Variants in MED30 observed in about 807,000 individuals in gnomAD.
The protein encoded by MED30 is mediator of RNA polymerase II transcription subunit 30.
In MED30, 8 loss-of-function variants were observed where a neutral mutation model predicts 21.7. The observed-to-expected ratio is 0.37, with a 90% confidence interval of 0.22 to 0.67. The LOEUF (loss-of-function observed/expected upper bound fraction) is 0.67, where lower values mean the gene tolerates loss of function less well. MED30 is among the 30% of genes least tolerant of loss of function. The pLI is 0.58. For missense variants in MED30, 203 were observed against 228.2 expected, an observed-to-expected ratio of 0.89 and a Z score of 0.71; for synonymous variants, 79 against 86.7, an observed-to-expected ratio of 0.91 and a Z score of 0.49.
intron 1 of MED30, chr8:117,523,493 C>T (rs2130809210): frequency 6.3e-7 from 1 of 1,591,508 alleles, no homozygotes; most frequent in Non-Finnish European, 8.6e-7. Flanking sequence ...GTGGCAGGAA[C>T]AATCTCCGGG....
At chr8:117,521,817 T>C (rs576215525) in intron 1 of MED30, among the ~76,000 whole-genome samples, 1 of 152,338 alleles carries the variant, frequency 6.6e-6, no homozygotes, top group South Asian at 2.1e-4. Context: ...TTTTCTTCTG[T>C]TGATGGACAT....
chr8:117,536,749 C>T (rs1586866398), intron 3 of MED30, among the ~76,000 whole-genome samples: 1 of 152,128 alleles, frequency 6.6e-6, no homozygotes, highest in Non-Finnish European at 1.5e-5. Context: ...TCCTGGAATC[C>T]TTAAGCCAAA....
intron 1 of MED30, 130 bp downstream of exon 1, chr8:117,521,183 C>A: frequency 2.5e-6 from 2 of 787,448 alleles, no homozygotes; most frequent in South Asian, 2.2e-5. Context: ...AGGGTCTCCC[C>A]CATTCACACT....
intron 1 of MED30, among the ~76,000 whole-genome samples, chr8:117,521,266 A>AT (rs1013676455): frequency 2.6e-5 from 4 of 151,912 alleles, no homozygotes; most frequent in African/African-American, 7.3e-5. Flanking sequence ...ATTGAAGCCA[A>AT]TTTTTTTTAG....
chr8:117,520,894 G>T lies in MED30; in HGVS notation c.18G>T (p.Leu6Phe). 1.2e-6 allele frequency: 2 copies of T among 1,603,434 alleles called. No individual in the cohort carries two copies. The highest frequency in any genetic ancestry group is 1.7e-6 in the Non-Finnish European group (2 of 1,175,368). Residue 6 changes from leucine (L) to phenylalanine (F), a missense_variant, in exon 1 of 4, where the codon TTG (leucine) becomes TTT (phenylalanine). Physicochemically the swap from Leu to Phe is conservative, Grantham distance 22. Coordinates refer to ENST00000297347, the MANE Select transcript of MED30 (RefSeq NM_080651.4). ...GCCGCGCCATGTCCACCCCTCCGTT[G>T]GCCGCGTCGGGGATGGCGCCCGGGC... is the stretch of plus-strand genomic sequence containing the variant. Reference protein sequence around the residue: MSTPPLAASGMAPGPF... With the variant: MSTPPFAASGMAPGPF...
Position 117,521,070 on chromosome 8 carries a change from G to A in MED30, c.177+17G>A. On this transcript the variant is annotated intron_variant, in intron 1 of 3. Coordinates refer to ENST00000297347, the MANE Select transcript of MED30 (RefSeq NM_080651.4). ...AACATGCAGGTAGGAAGGCGGGCGC[G>A]CGAGGCCAGGGGGATGCAGCTGGGA... 6.4e-7 allele frequency: 1 copy of A among 1,571,946 alleles called. No homozygotes were observed. The highest frequency in any genetic ancestry group is 8.7e-7 in the Non-Finnish European group (1 of 1,154,262).
intron 1 of MED30, chr8:117,523,643 C>T (rs529363179): frequency 1.3e-5 from 20 of 1,598,074 alleles, no homozygotes; most frequent in Non-Finnish European, 1.5e-5. Context: ...AGGTTGGACA[C>T]ATTCTTGTCT....
intron 1 of MED30, among the ~76,000 whole-genome samples, chr8:117,522,011 C>T (rs886770833): frequency 2.0e-5 from 3 of 152,162 alleles, no homozygotes; most frequent in African/African-American, 7.2e-5. Flanking sequence ...AGCCATTTTA[C>T]GTCCCGATTA....
intron 3 of MED30, among the ~76,000 whole-genome samples, chr8:117,537,296 A>G (rs1461917799): frequency 6.6e-6 from 1 of 152,166 alleles, no homozygotes; most frequent in Non-Finnish European, 1.5e-5. Flanking sequence ...CAGCTGATGG[A>G]TTTTGAAAAT....
Position 117,520,913 on chromosome 8 carries a change from C to A in MED30, c.37C>A (p.Pro13Thr). The A allele has an allele frequency of 6.2e-7, 1 of 1,608,918 alleles. No individual in the cohort carries two copies. ...TPPLAASGMA[P>T]GPFAGPQAQQ... ...TCCGTTGGCCGCGTCGGGGATGGCG[C>A]CCGGGCCCTTCGCCGGGCCCCAGGC... The change falls in exon 1 of 4, where the codon CCC becomes ACC. Residue 13 changes from proline to threonine, a missense_variant. Pro to Thr is a conservative substitution (Grantham distance 38). Coordinates refer to ENST00000297347, the MANE Select transcript of MED30 (RefSeq NM_080651.4).
intron 3 of MED30, among the ~76,000 whole-genome samples, chr8:117,538,663 A>T (rs72672138): frequency 0.054 from 8,179 of 152,232 alleles, 330 homozygotes; most frequent in South Asian, 0.12. Flanking sequence ...ATAACTAGTA[A>T]ACACTCTGAC....
chr8:117,521,128 G>A, intron 1 of MED30, 75 bp downstream of exon 1: 1 of 1,425,452 alleles, frequency 7.0e-7, no homozygotes, highest in Non-Finnish European at 9.4e-7. Flanking sequence ...CTTTACGTGG[G>A]GCCCGTGGAT....
At position 117,521,155 on chromosome 8, in the gene MED30, T is replaced by C. The variant is rs577194951; in HGVS notation, c.177+102T>C. On this transcript the variant is annotated intron_variant, in intron 1 of 3. Transcript: ENST00000297347. Reference sequence around the variant, plus strand: ...CCCGTGGATGTCATCGGGGCTGCCCTGGGCAAACCTTAGGTGTAGGGTCTC... The same window carrying C: ...CCCGTGGATGTCATCGGGGCTGCCCCGGGCAAACCTTAGGTGTAGGGTCTC... 7.6e-5 allele frequency: 87 copies of C among 1,151,600 alleles called. No individual in the cohort carries two copies. In the African/African-American group the frequency reaches 1.2e-3, roughly 16 times the overall value. 71.3% of individuals were successfully genotyped at this position (1,151,600 alleles called of 1,614,324 possible). A position where few individuals can be genotyped will look rare whatever the true frequency, so the allele number is the denominator to read the frequency against.
intron 1 of MED30, among the ~76,000 whole-genome samples, chr8:117,524,701 T>G (rs1410033490): frequency 4.6e-5 from 7 of 152,246 alleles, no homozygotes; most frequent in Admixed American, 4.6e-4. Context: ...TCTTATACTA[T>G]GTACCTAACT....
intron 1 of MED30, among the ~76,000 whole-genome samples, chr8:117,524,802 ATTG>A (rs1818694375): frequency 6.6e-6 from 1 of 152,040 alleles, no homozygotes; most frequent in Non-Finnish European, 1.5e-5. Context: ...GTTTATGTAT[ATTG>A]TTTCATTTTC....
In MED30 at chr8:117,520,928, G is replaced by T. The variant is rs1176332373; in HGVS notation, c.52G>T (p.Gly18Trp). Residue 18 changes from glycine (G) to tryptophan (W), a missense_variant, in exon 1 of 4, where the codon GGG (glycine) becomes TGG (tryptophan). By Grantham distance (184) the Gly-to-Trp change is radical (BLOSUM62 -2). Transcript: ENST00000297347. Reference sequence around the variant, plus strand: ...GGGGATGGCGCCCGGGCCCTTCGCCGGGCCCCAGGCTCAGCAGGCCGCCCG... The same window carrying T: ...GGGGATGGCGCCCGGGCCCTTCGCCTGGCCCCAGGCTCAGCAGGCCGCCCG... The part of the protein sequence containing the change: ...ASGMAPGPFA[G>W]PQAQQAAREV... The T allele has an allele frequency of 1.2e-6, 2 of 1,610,722 alleles. No individual in the cohort carries two copies. Among genetic ancestry groups the T allele is most frequent in the South Asian group, 1.1e-5 (1 of 90,872 alleles).
intron 2 of MED30, chr8:117,530,488 A>G (rs1015762684): frequency 6.4e-6 from 2 of 311,442 alleles, no homozygotes; most frequent in African/African-American, 2.2e-5. Context: ...TTAGTTGTAC[A>G]TGACAACCAA....
chr8:117,531,898 A>G (rs1484154617), intron 3 of MED30, among the ~76,000 whole-genome samples: 1 of 152,044 alleles, frequency 6.6e-6, no homozygotes, highest in South Asian at 2.1e-4. Flanking sequence ...TGAGCTTGTT[A>G]GAATGGTCAA....
chr8:117,531,593 A>C (rs1023786403), intron 3 of MED30, among the ~76,000 whole-genome samples: 11 of 151,962 alleles, frequency 7.2e-5, no homozygotes, highest in African/African-American at 2.4e-4. Context: ...TCAGTAAACT[A>C]CCTTGAAAAA....
Sources: allele counts gnomAD v4.1 joint callset (sites outside exome capture counted in the v4.1 genomes callset), GRCh38; gene constraint gnomAD v4.1.1; transcripts MANE v1.5; gene names NCBI Gene and HGNC (gene_info 2026-07-23, HGNC 2026-07-21).